Variants in ISLR2 observed in about 807,000 individuals in gnomAD.
The protein encoded by ISLR2 is immunoglobulin superfamily containing leucine-rich repeat protein 2.
In ISLR2, 16 loss-of-function variants were observed where a neutral mutation model predicts 25.5. That is an observed-to-expected ratio of 0.63 (90% CI 0.43 to 0.95). The LOEUF (loss-of-function observed/expected upper bound fraction) is 0.95. Ranked by LOEUF, ISLR2 falls within the 40% of genes least tolerant of loss-of-function variation. The pLI is 0.00. For missense variants in ISLR2, 883 were observed against 1,030.7 expected, an observed-to-expected ratio of 0.86 and a Z score of 1.96; for synonymous variants, 508 against 486.6, an observed-to-expected ratio of 1.04 and a Z score of -0.58.
chr15:74,128,677 C>CTCA (rs1237517974), upstream of ISLR2: 1 of 456,024 alleles, frequency 2.2e-6, no homozygotes, highest in East Asian at 7.0e-5. Context: ...GGCGGAGGGC[C>CTCA]TTGAGCCTCC....
In ISLR2 at chr15:74,133,942, G is replaced by C; in HGVS notation, c.1188G>C (p.Glu396Asp). Reference sequence around the variant, plus strand: ...CCGACGGACAGGCCCCGACCTCTGAGCGCAAGTCCACAGCCAAGGGCCGGG... The same window carrying C: ...CCGACGGACAGGCCCCGACCTCTGACCGCAAGTCCACAGCCAAGGGCCGGG... Reference protein sequence around the residue: ...GEPDGQAPTSERKSTAKGRGN... With the variant: ...GEPDGQAPTSDRKSTAKGRGN... The change falls in exon 3 of 3, where the codon GAG (glutamate) becomes GAC (aspartate). Residue 396 changes from glutamate (E) to aspartate (D), a missense_variant. Transcript: ENST00000453268. 7 of 1,606,220 alleles carry C rather than the reference G, an allele frequency of 4.4e-6. No homozygotes were observed. Among genetic ancestry groups the C allele is most frequent in the Non-Finnish European group, 5.9e-6 (7 of 1,176,588 alleles).
intron 2 of ISLR2, among the ~76,000 whole-genome samples, chr15:74,117,159 G>C (rs746203681): frequency 5.3e-5 from 8 of 152,088 alleles, no homozygotes; most frequent in African/African-American, 9.7e-5. Context: ...CTTTTCATCA[G>C]CTACAGTTAC....
upstream of ISLR2, among the ~76,000 whole-genome samples, chr15:74,123,646 A>T (rs141764123): frequency 4.0e-4 from 61 of 152,178 alleles, 1 homozygote; most frequent in East Asian, 0.011. Context: ...CCTGTTTTCC[A>T]CCTCAACAGT....
Position 74,134,818 on chromosome 15 carries a change from G to A in ISLR2, c.2064G>A (p.Gly688=). Residue 688 remains glycine, a synonymous_variant, in exon 3 of 3, where the codon GGG becomes GGA. Coordinates refer to ENST00000453268, the MANE Select transcript of ISLR2 (RefSeq NM_020851.3). ...DEDAEQGDPS[G]DLQREESLAA... is the part of the protein sequence containing the mutation. ...ACGCGGAGCAGGGAGACCCAAGTGG[G>A]GACCTGCAGAGAGAGGAGAGCCTGG... is the stretch of plus-strand genomic sequence containing the variant. The A allele has an allele frequency of 6.2e-7, 1 of 1,614,122 alleles. No homozygotes were observed.
chr15:74,108,669 C>T (rs1009387903), intron 2 of ISLR2, among the ~76,000 whole-genome samples: 2 of 152,204 alleles, frequency 1.3e-5, no homozygotes, highest in Non-Finnish European at 2.9e-5. Context: ...CACCAAATAC[C>T]CACTGTCCAC....
chr15:74,115,075 C>A (rs2072200293), intron 2 of ISLR2, among the ~76,000 whole-genome samples: 1 of 152,050 alleles, frequency 6.6e-6, no homozygotes, highest in Admixed American at 6.6e-5. Context: ...GAAAGAACTG[C>A]CAGAAAGCAG....
upstream of ISLR2, among the ~76,000 whole-genome samples, chr15:74,125,076 C>T (rs920914433): frequency 6.6e-6 from 1 of 152,192 alleles, no homozygotes; most frequent in African/African-American, 2.4e-5. Context: ...CTCACCCGGC[C>T]CTACCCTTTA....
At position 74,133,637 on chromosome 15, in the gene ISLR2, G is replaced by T. The variant is rs1218536146; in HGVS notation, c.883G>T (p.Val295Phe). The change falls in exon 3 of 3, where the codon GTT becomes TTT. Residue 295 changes from valine (V) to phenylalanine (F), a missense_variant. Coordinates refer to ENST00000453268, the MANE Select transcript of ISLR2 (RefSeq NM_020851.3). ...GGTTCTGAGCGGGGAGGACGACGGG[G>T]TTGGGGCGGAGGAAGGAGAGGGAGA... ...PPVLSGEDDG[V>F]GAEEGEGEGD... 1.2e-6 allele frequency: 2 copies of T among 1,613,526 alleles called. No individual in the cohort carries two copies. Among genetic ancestry groups the T allele is most frequent in the South Asian group, 2.2e-5 (2 of 91,024 alleles).
intron 2 of ISLR2, among the ~76,000 whole-genome samples, chr15:74,114,612 CAA>C (rs879774202): frequency 2.5e-4 from 32 of 127,646 alleles, no homozygotes; most frequent in Admixed American, 2.5e-4. Flanking sequence ...GATCCTGTCT[CAA>C]AAAAAAAAAA....
chr15:74,138,280 T>C (rs2072589519), downstream of ISLR2: 1 of 140,090 alleles, frequency 7.1e-6, no homozygotes, highest in Non-Finnish European at 1.5e-5. Flanking sequence ...TTTTTCTTTT[T>C]CTTTTCTCTT....
At chr15:74,117,886 A>C (rs1170789700) in intron 2 of ISLR2, among the ~76,000 whole-genome samples, 1 of 152,044 alleles carries the variant, frequency 6.6e-6, no homozygotes, top group African/African-American at 2.4e-5. Context: ...CACTGTTCTC[A>C]CCTTCCACCA....
chr15:74,141,414 G>A (rs1330563350), downstream of ISLR2, among the ~76,000 whole-genome samples: 11 of 152,186 alleles, frequency 7.2e-5, no homozygotes, highest in South Asian at 4.1e-4. Context: ...ATAAATTACC[G>A]AGGAACTTCG....
rs1194138968 is a variant in ISLR2 at position 74,133,425 on chromosome 15, G to A, written c.671G>A (p.Arg224His). The A allele has an allele frequency of 6.2e-7, 1 of 1,607,826 alleles. No individual in the cohort carries two copies. The highest frequency in any genetic ancestry group is 2.2e-5 in the East Asian group (1 of 44,866). The change falls in exon 3 of 3, where the codon CGC (arginine) becomes CAC (histidine). Residue 224 changes from arginine (R) to histidine (H), a missense_variant. This residue lies in a region of ISLR2 where 271 missense variants were observed against 387.9 expected (regional missense o/e 0.70). Transcript: ENST00000453268. ...GCGCTGCAGGGGGTGCCGGTGTACC[G>A]CCTGCCCGCCCTGCCCTGTGCACCG... ...PPALQGVPVY[R>H]LPALPCAPPS...
chr15:74,125,547 C>T (rs1304981097), upstream of ISLR2, among the ~76,000 whole-genome samples: 1 of 152,202 alleles, frequency 6.6e-6, no homozygotes, highest in Non-Finnish European at 1.5e-5. Flanking sequence ...GCCATGTTCC[C>T]CTTTGAATGC....
At chr15:74,114,874 G>T (rs2072199072) in intron 2 of ISLR2, among the ~76,000 whole-genome samples, 1 of 152,190 alleles carries the variant, frequency 6.6e-6, no homozygotes, top group Non-Finnish European at 1.5e-5. Flanking sequence ...CCAAAGTCCA[G>T]TGGTCTTGGT....
Position 74,132,626 on chromosome 15 carries a change from G to A in ISLR2, c.-8-121G>A. The A allele has an allele frequency of 7.5e-7, 1 of 1,336,474 alleles. No individual in the cohort carries two copies. Among genetic ancestry groups the A allele is most frequent in the Non-Finnish European group, 1.0e-6 (1 of 1,004,626 alleles). 82.8% of individuals were successfully genotyped at this position (1,336,474 alleles called of 1,614,324 possible). A position where few individuals can be genotyped will look rare whatever the true frequency, so the allele number is the denominator to read the frequency against. ...TTCAGAGAGGCTCCTGGCCATAGAG[G>A]AGGTTACCGGAGCCCTGGAACTAGT... On this transcript the variant is annotated intron_variant, in intron 2 of 2. Transcript: ENST00000453268. The surrounding 1 kb of genome is among the most constrained non-coding windows in gnomAD (Gnocchi z 4.3).
intron 2 of ISLR2, among the ~76,000 whole-genome samples, chr15:74,107,152 G>C (rs1295860448): frequency 2.0e-5 from 3 of 152,172 alleles, no homozygotes; most frequent in Non-Finnish European, 4.4e-5. Flanking sequence ...AAGGCATCCA[G>C]GGTAAAGTGC....
downstream of ISLR2, among the ~76,000 whole-genome samples, chr15:74,141,826 C>T (rs898413260): frequency 2.6e-5 from 4 of 152,190 alleles, no homozygotes; most frequent in African/African-American, 9.7e-5. Flanking sequence ...GCCAAACCTC[C>T]TCCTGAAGCC....
At chr15:74,107,930 G>A (rs2072134366) in intron 2 of ISLR2, among the ~76,000 whole-genome samples, 1 of 152,074 alleles carries the variant, frequency 6.6e-6, no homozygotes, top group South Asian at 2.1e-4. Context: ...CCTCCTTCCG[G>A]CCCCACCCAC....
Sources: allele counts gnomAD v4.1 joint callset (sites outside exome capture counted in the v4.1 genomes callset), GRCh38; gene constraint gnomAD v4.1.1; regional missense constraint gnomAD v4.1.1; non-coding constraint Gnocchi (gnomAD v3.1); transcripts MANE v1.5; gene names NCBI Gene and HGNC (gene_info 2026-07-23, HGNC 2026-07-21).